NCALD: variants seen among roughly 807,000 people sequenced by gnomAD.
NCALD encodes neurocalcin delta, also known as neurocalcin-delta.
Under a neutral mutation model 18.6 loss-of-function variants are expected in NCALD, and 10 were observed. The observed-to-expected ratio is 0.54, with a 90% CI of 0.33 to 0.91. NCALD has a LOEUF of 0.91. Among genes scored for constraint, NCALD ranks in the 40% least tolerant of loss-of-function variants. The pLI, the probability that NCALD is intolerant of heterozygous loss-of-function variation, is 0.03. For missense variants in NCALD, 184 were observed against 247.6 expected (o/e 0.74, Z 1.72); for synonymous variants, 88 against 87.4 (o/e 1.01, Z -0.04).
chr8:101,897,311 A>C (rs1817227546), intron 3 of NCALD, among the ~76,000 whole-genome samples: 1 of 149,634 alleles, frequency 6.7e-6, no homozygotes, highest in Non-Finnish European at 1.5e-5. Flanking sequence ...GTGGGAATTT[A>C]ACAATGAGAT....
At chr8:101,886,616 A>G (rs1160065255) in intron 4 of NCALD, among the ~76,000 whole-genome samples, 2 of 152,224 alleles carry the variant, frequency 1.3e-5, no homozygotes, top group Non-Finnish European at 2.9e-5. Flanking sequence ...GAAAGTAATA[A>G]TGTTCCTATT....
At chr8:102,038,168 G>A in intron 1 of NCALD, among the ~76,000 whole-genome samples, 1 of 152,036 alleles carries the variant, frequency 6.6e-6, no homozygotes, top group Non-Finnish European at 1.5e-5. Context: ...ATTGACCCTG[G>A]AGCTCCTAAT....
At chr8:101,898,664 G>A (rs2131553864) in intron 3 of NCALD, among the ~76,000 whole-genome samples, 1 of 152,078 alleles carries the variant, frequency 6.6e-6, no homozygotes, top group African/African-American at 2.4e-5. Flanking sequence ...TTAAGTGTAT[G>A]ATCTATTTTG....
At chr8:101,917,123 A>AT (rs1482923745) in intron 2 of NCALD, among the ~76,000 whole-genome samples, 1 of 152,120 alleles carries the variant, frequency 6.6e-6, no homozygotes, top group Non-Finnish European at 1.5e-5. Flanking sequence ...ATAAATTTAA[A>AT]AATATCAAAA....
intron 1 of NCALD, among the ~76,000 whole-genome samples, chr8:102,040,627 G>C (rs1251334592): frequency 6.6e-6 from 1 of 152,166 alleles, no homozygotes; most frequent in Non-Finnish European, 1.5e-5. Context: ...GGGGAAAACA[G>C]GCAAGAATGA....
At chr8:102,110,339 G>A (rs1825604449) in intron 1 of NCALD, among the ~76,000 whole-genome samples, 1 of 152,162 alleles carries the variant, frequency 6.6e-6, no homozygotes, top group East Asian at 1.9e-4. Context: ...AAAAAGAAAT[G>A]TTCAGCCTCA....
At position 101,699,669 on chromosome 8, in the gene NCALD, C is replaced by T. The variant is rs530762394; in HGVS notation, c.379-6773G>A. ...AGCAAACTAACACAGGAACAGAAAA[C>T]CAAACACCACATATTCTCACTCATA... On this transcript the variant is annotated intron_variant, in intron 2 of 3. Transcript: ENST00000220931. 9.2e-5 allele frequency among the ~76,000 whole-genome samples: 14 copies of T among 152,212 alleles called. No homozygotes were observed. In the South Asian group the frequency reaches 2.7e-3, roughly 29 times the overall value.
chr8:101,744,235 A>G (rs1810334006), intron 1 of NCALD, among the ~76,000 whole-genome samples: 1 of 152,186 alleles, frequency 6.6e-6, no homozygotes, highest in Non-Finnish European at 1.5e-5. Context: ...TACTGCAGGC[A>G]GGGAAGCACA....
At chr8:102,082,334 C>A (rs941743260) in intron 1 of NCALD, among the ~76,000 whole-genome samples, 7 of 148,386 alleles carry the variant, frequency 4.7e-5, no homozygotes, top group Non-Finnish European at 8.9e-5. Context: ...CCCGGATTCA[C>A]GCCATTCTCC....
chr8:101,939,116 T>C (rs1818863850), intron 2 of NCALD, among the ~76,000 whole-genome samples: 1 of 152,168 alleles, frequency 6.6e-6, no homozygotes, highest in Admixed American at 6.5e-5. Flanking sequence ...AGTCAATGAG[T>C]ACCCACAGTC....
At chr8:101,846,822 C>T (rs1392053432) in intron 4 of NCALD, among the ~76,000 whole-genome samples, 1 of 152,164 alleles carries the variant, frequency 6.6e-6, no homozygotes, top group Non-Finnish European at 1.5e-5. Context: ...AAGTTCTCAG[C>T]TGATGCAGCT....
chr8:102,031,836 G>A (rs185168616), intron 1 of NCALD, among the ~76,000 whole-genome samples: 12 of 152,228 alleles, frequency 7.9e-5, no homozygotes, highest in Admixed American at 2.0e-4. Context: ...ATAGAACTCC[G>A]TGGCCTCTGA....
At chr8:101,737,555 C>T (rs545098424) in intron 1 of NCALD, among the ~76,000 whole-genome samples, 1 of 152,316 alleles carries the variant, frequency 6.6e-6, no homozygotes, top group South Asian at 2.1e-4. Flanking sequence ...ACTCCTCACC[C>T]TAGCTTGACC....
chr8:101,748,389 G>C (rs1810513696), intron 1 of NCALD, among the ~76,000 whole-genome samples: 1 of 152,118 alleles, frequency 6.6e-6, no homozygotes, highest in South Asian at 2.1e-4. Context: ...TGTGGTCTAG[G>C]GACCCAAGTT....
At chr8:101,739,283 A>T (rs867318792) in intron 1 of NCALD, among the ~76,000 whole-genome samples, 1 of 151,844 alleles carries the variant, frequency 6.6e-6, no homozygotes, top group Non-Finnish European at 1.5e-5. Context: ...TTACCCCCCC[A>T]GTTAAAAAAA....
chr8:101,888,222 A>G (rs1226661497), intron 3 of NCALD, among the ~76,000 whole-genome samples: 3 of 152,174 alleles, frequency 2.0e-5, no homozygotes, highest in Admixed American at 2.0e-4. Context: ...TGGGAAGTGG[A>G]TCAGCAAATG....
intron 2 of NCALD, among the ~76,000 whole-genome samples, chr8:101,954,678 C>G: frequency 6.6e-6 from 1 of 152,154 alleles, no homozygotes; most frequent in East Asian, 1.9e-4. Context: ...CCACAGCACT[C>G]CAGGCAGACC....
Position 101,692,872 on chromosome 8 carries a change from C to T in NCALD, c.403G>A (p.Val135Ile). The change falls in exon 3 of 4, where the codon GTA becomes ATA. Residue 135 changes from valine (V) to isoleucine (I), a missense_variant. Coordinates refer to ENST00000220931, the MANE Select transcript of NCALD (RefSeq NM_032041.3). ...GACTCATCTTCAGGCATTTTCATTA[C>T]AGAGGAAACCATCTTATAGATTGCC... ...VQAIYKMVSS[V>I]MKMPEDESTP... 5.0e-6 allele frequency: 8 copies of T among 1,613,788 alleles called. No homozygotes were observed. The highest frequency in any genetic ancestry group is 6.8e-6 in the Non-Finnish European group (8 of 1,179,732).
At chr8:101,845,879 C>T (rs1471016176) in intron 4 of NCALD, among the ~76,000 whole-genome samples, 1 of 152,192 alleles carries the variant, frequency 6.6e-6, no homozygotes, top group African/African-American at 2.4e-5. Context: ...ATTCCACTCT[C>T]TACCTTCATA....
Sources: gnomAD v4.1 joint callset for allele counts (sites outside exome capture counted in the v4.1 genomes callset) on GRCh38, gnomAD v4.1.1 for gene constraint, MANE v1.5 for transcripts, NCBI Gene and HGNC (gene_info 2026-07-23, HGNC 2026-07-21) for gene names.